AHCYL2: variants seen among roughly 807,000 people sequenced by gnomAD.
AHCYL2 encodes the protein adenosylhomocysteinase like 2.
Under a neutral mutation model 81.4 loss-of-function variants are expected in AHCYL2, and 28 were observed. The observed-to-expected ratio is 0.34, with a 90% CI of 0.25 to 0.47. The LOEUF (loss-of-function observed/expected upper bound fraction) is 0.47. Ranked by LOEUF, AHCYL2 falls within the 20% of genes least tolerant of loss-of-function variation. The pLI is 1.00. For missense variants in AHCYL2, 551 were observed against 785.1 expected, an observed-to-expected ratio of 0.70 and a Z score of 3.56; for synonymous variants, 272 against 290.2, an observed-to-expected ratio of 0.94 and a Z score of 0.64.
chr7:129,369,309 T>G (rs1220014385), intron 1 of AHCYL2, among the ~76,000 whole-genome samples: 1 of 152,252 alleles, frequency 6.6e-6, no homozygotes, highest in South Asian at 2.1e-4. Context: ...TTTACAGATT[T>G]GTGTTTCCCC....
At chr7:129,343,208 C>G (rs938693679) in intron 1 of AHCYL2, among the ~76,000 whole-genome samples, 2 of 152,066 alleles carry the variant, frequency 1.3e-5, no homozygotes, top group Non-Finnish European at 2.9e-5. Flanking sequence ...TTCAATATTC[C>G]TGTGAGTAGT....
chr7:129,319,494 A>G (rs1797939558), intron 1 of AHCYL2, among the ~76,000 whole-genome samples: 1 of 152,074 alleles, frequency 6.6e-6, no homozygotes, highest in South Asian at 2.1e-4. Flanking sequence ...CTAACTCTTG[A>G]TTAGGGGAAT....
chr7:129,342,636 C>A (rs1450313906), intron 1 of AHCYL2, among the ~76,000 whole-genome samples: 2 of 152,102 alleles, frequency 1.3e-5, no homozygotes, highest in Non-Finnish European at 2.9e-5. Context: ...TATTCACTTG[C>A]CACCTATTTT....
intron 1 of AHCYL2, among the ~76,000 whole-genome samples, chr7:129,339,270 G>C (rs1793072642): frequency 6.6e-6 from 1 of 152,112 alleles, no homozygotes; most frequent in Admixed American, 6.6e-5. Flanking sequence ...TGCAATCTTG[G>C]TGCAGTCAAT....
chr7:129,354,231 G>C (rs1166543970), intron 1 of AHCYL2, among the ~76,000 whole-genome samples: 2 of 152,180 alleles, frequency 1.3e-5, no homozygotes, highest in Non-Finnish European at 2.9e-5. Context: ...AGATTTTGAT[G>C]GGAAGAGAGG....
intron 1 of AHCYL2, among the ~76,000 whole-genome samples, chr7:129,344,538 C>A (rs1793294750): frequency 6.6e-6 from 1 of 152,152 alleles, no homozygotes; most frequent in African/African-American, 2.4e-5. Flanking sequence ...AAAGGCAAAT[C>A]TATCTATAGT....
chr7:129,330,619 C>T (rs1277422570), intron 1 of AHCYL2, among the ~76,000 whole-genome samples: 1 of 152,020 alleles, frequency 6.6e-6, no homozygotes, highest in Non-Finnish European at 1.5e-5. Flanking sequence ...TACAGGCGCC[C>T]ACCACCACGC....
At chr7:129,321,743 G>GTTTTTTTTTTTTTTTTTTTTT in intron 1 of AHCYL2, among the ~76,000 whole-genome samples, 5 of 77,612 alleles carry the variant, frequency 6.4e-5, no homozygotes, top group Non-Finnish European at 1.0e-4. Flanking sequence ...TTCTTTCTTT[G>GTTTTTTTTTTTTTTTTTTTTT]TTTTTTTTTT....
At chr7:129,241,740 C>T (rs1794863067) in intron 1 of AHCYL2, among the ~76,000 whole-genome samples, 1 of 152,056 alleles carries the variant, frequency 6.6e-6, no homozygotes, top group African/African-American at 2.4e-5. Flanking sequence ...ATTGAAGACG[C>T]AGCTGGCCAC....
intron 1 of AHCYL2, among the ~76,000 whole-genome samples, chr7:129,292,168 T>G (rs1011443063): frequency 1.3e-5 from 2 of 152,150 alleles, no homozygotes; most frequent in African/African-American, 4.8e-5. Flanking sequence ...ACCATCACTT[T>G]CCCTTTGATT....
intron 1 of AHCYL2, among the ~76,000 whole-genome samples, chr7:129,372,809 C>T (rs1794473530): frequency 1.3e-5 from 2 of 152,008 alleles, no homozygotes; most frequent in Non-Finnish European, 1.5e-5. Context: ...GAGCAAAACA[C>T]CATCCCCCCA....
chr7:129,306,472 C>G (rs1380484640), intron 1 of AHCYL2, among the ~76,000 whole-genome samples: 3 of 152,100 alleles, frequency 2.0e-5, no homozygotes, highest in Admixed American at 6.6e-5. Flanking sequence ...TTAAGTTTAT[C>G]TGATAAGATT....
At chr7:129,335,364 G>C (rs2150808119) in intron 1 of AHCYL2, among the ~76,000 whole-genome samples, 1 of 146,468 alleles carries the variant, frequency 6.8e-6, no homozygotes, top group Admixed American at 6.8e-5. Context: ...AACAGAGTGA[G>C]ACCCTGTCTA....
At chr7:129,250,365 T>G (rs2150702134) in intron 1 of AHCYL2, among the ~76,000 whole-genome samples, 1 of 152,362 alleles carries the variant, frequency 6.6e-6, no homozygotes, top group East Asian at 1.9e-4. Context: ...GTGGAATTGC[T>G]TGATTACAGT....
chr7:129,375,618 A>G, intron 1 of AHCYL2: 10 of 1,340,996 alleles, frequency 7.5e-6, no homozygotes, highest in Non-Finnish European at 7.6e-6. Flanking sequence ...AAACAAGTAA[A>G]AGCAAAACAG....
At chr7:129,355,492 C>T (rs62480628) in intron 1 of AHCYL2, among the ~76,000 whole-genome samples, 34,282 of 152,074 alleles carry the variant, frequency 0.23, 4,828 homozygotes, top group Non-Finnish European at 0.31. Flanking sequence ...TGCACCTAAC[C>T]GTGTATTTTT....
intron 1 of AHCYL2, among the ~76,000 whole-genome samples, chr7:129,324,900 A>T (rs1239872529): frequency 6.6e-6 from 1 of 152,158 alleles, no homozygotes; most frequent in Non-Finnish European, 1.5e-5. Flanking sequence ...AACTTATCAG[A>T]CACCTCCTTC....
At position 129,225,437 on chromosome 7, in the gene AHCYL2, A is replaced by G; in HGVS notation, c.361A>G (p.Lys121Glu). ...TVTEAPRTVK[K>E]QIQFADQKQE... ...CACCGAGGCGCCGCGCACAGTCAAG[A>G]AGGTACTGGGGCCGGGCTGCCTCTC... The change falls in exon 1 of 17, where the codon AAG becomes GAG. Residue 121 changes from lysine to glutamate, a missense_variant and splice_region_variant. Lys to Glu is a moderately conservative substitution (Grantham distance 56). Transcript: ENST00000325006. 6.6e-7 allele frequency: 1 copy of G among 1,509,446 alleles called. No homozygotes were observed. 93.5% of individuals were successfully genotyped at this position (1,509,446 alleles called of 1,614,324 possible). A position where few individuals can be genotyped will look rare whatever the true frequency, so the allele number is the denominator to read the frequency against.
intron 1 of AHCYL2, among the ~76,000 whole-genome samples, chr7:129,323,054 C>T (rs1798096211): frequency 6.6e-6 from 1 of 152,064 alleles, no homozygotes. Flanking sequence ...CCTTTGGTTC[C>T]ATTGATTTTC....
Sources: gnomAD v4.1 joint callset for allele counts (sites outside exome capture counted in the v4.1 genomes callset) on GRCh38, gnomAD v4.1.1 for gene constraint, MANE v1.5 for transcripts, NCBI Gene and HGNC (gene_info 2026-07-23, HGNC 2026-07-21) for gene names.